Variants in TBC1D23 observed in about 807,000 individuals in gnomAD.
TBC1D23 encodes TBC1 domain family member 23, also known as HCV non-structural protein 4A-transactivated protein 1.
Under a neutral mutation model 91.4 loss-of-function variants are expected in TBC1D23, and 55 were observed. That is an observed-to-expected ratio of 0.60 (90% CI 0.48 to 0.75). The LOEUF (loss-of-function observed/expected upper bound fraction) is 0.75. Among genes scored for constraint, TBC1D23 ranks in the 30% least tolerant of loss-of-function variants. The probability of loss-of-function intolerance (pLI) is 0.00; values close to 1 mark genes in which losing one functional copy is unlikely to be tolerated. For synonymous variants in TBC1D23, 289 were observed against 281.0 expected, an observed-to-expected ratio of 1.03 and a Z score of -0.28; for missense variants, 725 against 836.1, an observed-to-expected ratio of 0.87 and a Z score of 1.64.
chr3:100,300,320 C>T (rs1705400478), intron 10 of TBC1D23, among the ~76,000 whole-genome samples: 2 of 151,938 alleles, frequency 1.3e-5, no homozygotes, highest in African/African-American at 2.4e-5. Flanking sequence ...TGATGCTGAA[C>T]TGAAAGGGTG....
At chr3:100,267,303 A>G (rs908511848) in intron 1 of TBC1D23, 1 of 428,092 alleles carries the variant, frequency 2.3e-6, no homozygotes, top group East Asian at 7.2e-5. Context: ...AGAAATAAAG[A>G]ATTTAAGAGC....
At chr3:100,303,130 T>G (rs982588050) in intron 11 of TBC1D23, among the ~76,000 whole-genome samples, 2 of 152,210 alleles carry the variant, frequency 1.3e-5, no homozygotes, top group African/African-American at 4.8e-5. Flanking sequence ...TGGCTTGTTT[T>G]TTATTATAAT....
chr3:100,314,085 T>C (rs939064778), intron 15 of TBC1D23, among the ~76,000 whole-genome samples: 2 of 145,776 alleles, frequency 1.4e-5, no homozygotes, highest in African/African-American at 2.5e-5. Context: ...AAAATTAGGC[T>C]ACAAAATTTT....
At chr3:100,293,431 C>T (rs2067810544) in intron 5 of TBC1D23, among the ~76,000 whole-genome samples, 1 of 152,144 alleles carries the variant, frequency 6.6e-6, no homozygotes, top group East Asian at 1.9e-4. Flanking sequence ...CTGTGCCTGG[C>T]CTCAGATAGT....
At chr3:100,292,886 C>T (rs1420668330) in intron 5 of TBC1D23, among the ~76,000 whole-genome samples, 1 of 152,166 alleles carries the variant, frequency 6.6e-6, no homozygotes, top group African/African-American at 2.4e-5. Context: ...CAGGTGTGAG[C>T]CAAGCCTAGT....
chr3:100,275,096 A>G (rs1343373162), intron 1 of TBC1D23, among the ~76,000 whole-genome samples: 1 of 152,060 alleles, frequency 6.6e-6, no homozygotes, highest in Non-Finnish European at 1.5e-5. Context: ...TCTTTGTGGA[A>G]CTGTCATACC....
At chr3:100,304,138 G>A (rs530596318) in intron 11 of TBC1D23, among the ~76,000 whole-genome samples, 13 of 152,046 alleles carry the variant, frequency 8.6e-5, no homozygotes, top group African/African-American at 3.1e-4. Flanking sequence ...TTTTTTCCTT[G>A]CATGTATTTG....
At chr3:100,298,578 A>T (rs1705348730) in intron 9 of TBC1D23, among the ~76,000 whole-genome samples, 2 of 152,164 alleles carry the variant, frequency 1.3e-5, no homozygotes, top group Admixed American at 1.3e-4. Flanking sequence ...TGTATTTCCA[A>T]GGTTGAGGGC....
chr3:100,313,267 A>G (rs1576185006), intron 15 of TBC1D23, among the ~76,000 whole-genome samples: 5 of 152,146 alleles, frequency 3.3e-5, no homozygotes, highest in Admixed American at 2.6e-4. Flanking sequence ...TTCTCAAATT[A>G]TTAATTTTTG....
At chr3:100,310,956 C>T (rs920934282) in intron 14 of TBC1D23, among the ~76,000 whole-genome samples, 3 of 152,174 alleles carry the variant, frequency 2.0e-5, no homozygotes, top group African/African-American at 7.2e-5. Flanking sequence ...AGCAGAAACC[C>T]ACCTTCTGAT....
chr3:100,285,801 T>A (rs1200944833), intron 4 of TBC1D23, among the ~76,000 whole-genome samples: 2 of 152,246 alleles, frequency 1.3e-5, no homozygotes, highest in Non-Finnish European at 2.9e-5. Context: ...TTGACTTGCA[T>A]TTCCCTAATG....
At chr3:100,294,203 A>G (rs1478774938) in intron 5 of TBC1D23, among the ~76,000 whole-genome samples, 1 of 152,142 alleles carries the variant, frequency 6.6e-6, no homozygotes. Flanking sequence ...TTATAAATTA[A>G]CAACTCTTAG....
chr3:100,300,916 A>G (rs1456520497), intron 10 of TBC1D23, among the ~76,000 whole-genome samples: 1 of 151,978 alleles, frequency 6.6e-6, no homozygotes, highest in East Asian at 1.9e-4. Context: ...AGTTTCTAAG[A>G]GATCTTTTGA....
chr3:100,318,646 C>CT (rs1221401600), intron 16 of TBC1D23, among the ~76,000 whole-genome samples: 1,659 of 137,794 alleles, frequency 0.012, 14 homozygotes, highest in South Asian at 0.026. Flanking sequence ...TTGCGTTATT[C>CT]TTTTTTTTTT....
chr3:100,277,069 C>T (rs2067654311), intron 1 of TBC1D23, among the ~76,000 whole-genome samples: 2 of 152,158 alleles, frequency 1.3e-5, no homozygotes, highest in Admixed American at 1.3e-4. Context: ...AAACACAGCC[C>T]ACCCACTCAT....
intron 12 of TBC1D23, among the ~76,000 whole-genome samples, chr3:100,306,039 T>C (rs533362469): frequency 6.6e-6 from 1 of 152,350 alleles, no homozygotes; most frequent in Admixed American, 6.5e-5. Flanking sequence ...TTCTTTATTA[T>C]GGGAGAGATT....
rs4928168 is a variant in TBC1D23, at chr3:100,310,329, A to G, written c.1414-74A>G. On this transcript the variant is annotated intron_variant, in intron 13 of 18. Transcript: ENST00000394144. ...GTGGGATTGCAATTCAGTCTATAAC[A>G]TGTAGATAACCATTAGCAGTAGTAT... The G allele has an allele frequency of 0.26, 337,852 of 1,321,180 alleles. 46,317 individuals carry two copies. Among genetic ancestry groups the G allele is most frequent in the East Asian group, 0.51 (21,755 of 42,876 alleles). 81.8% of individuals were successfully genotyped at this position (1,321,180 alleles called of 1,614,324 possible). A position where few individuals can be genotyped will look rare whatever the true frequency, so the allele number is the denominator to read the frequency against.
At chr3:100,262,826 A>G (rs1006078913) in intron 1 of TBC1D23, among the ~76,000 whole-genome samples, 1 of 152,066 alleles carries the variant, frequency 6.6e-6, no homozygotes, top group Non-Finnish European at 1.5e-5. Flanking sequence ...AAAAAATTAG[A>G]TAATTGTACA....
At chr3:100,273,658 G>A (rs796970095) in intron 1 of TBC1D23, among the ~76,000 whole-genome samples, 4 of 152,276 alleles carry the variant, frequency 2.6e-5, no homozygotes, top group African/African-American at 9.6e-5. Flanking sequence ...CAGGATACTG[G>A]TACAAGAACA....
Sources: allele counts gnomAD v4.1 joint callset (sites outside exome capture counted in the v4.1 genomes callset), GRCh38; gene constraint gnomAD v4.1.1; transcripts MANE v1.5; gene names NCBI Gene and HGNC (gene_info 2026-07-23, HGNC 2026-07-21).